Variants in ECPAS observed in about 807,000 individuals in gnomAD.
ECPAS encodes Ecm29 proteasome adaptor and scaffold, also known as proteasome adapter and scaffold protein ECM29.
In ECPAS, 70 loss-of-function variants were observed where a neutral mutation model predicts 255.1. The observed-to-expected ratio is 0.27, with a 90% confidence interval of 0.23 to 0.33. The LOEUF (loss-of-function observed/expected upper bound fraction) is 0.33. Ranked by LOEUF, ECPAS falls within the 10% of genes least tolerant of loss-of-function variation. The probability of loss-of-function intolerance (pLI) is 1.00; values close to 1 mark genes in which losing one functional copy is unlikely to be tolerated. For synonymous variants in ECPAS, 784 were observed against 775.0 expected, an observed-to-expected ratio of 1.01 and a Z score of -0.19; for missense variants, 1,817 against 2,206.4, an observed-to-expected ratio of 0.82 and a Z score of 3.54.
At chr9:111,474,249 T>G (rs973526258) in intron 1 of ECPAS, among the ~76,000 whole-genome samples, 1 of 152,174 alleles carries the variant, frequency 6.6e-6, no homozygotes, top group Non-Finnish European at 1.5e-5. Context: ...GTTCTCTCTT[T>G]CCTTCACTTT....
At chr9:111,398,476 T>C (rs759887401) in intron 24 of ECPAS, among the ~76,000 whole-genome samples, 1 of 152,160 alleles carries the variant, frequency 6.6e-6, no homozygotes, top group East Asian at 1.9e-4. Flanking sequence ...GGGGGTTCAA[T>C]AGAGAAAATA....
chr9:111,386,306 A>G lies in ECPAS; in HGVS notation c.3527+71T>C. The G allele has an allele frequency of 5.0e-6, 5 of 1,009,194 alleles. 1 individual carries two copies. The South Asian group carries it at 7.1e-5, about 14-fold the overall frequency. The allele number at this position is 1,009,194 out of a possible 1,614,324, so 62.5% of individuals were successfully genotyped here. A position where few individuals can be genotyped will look rare whatever the true frequency, so the allele number is the denominator to read the frequency against. ...AATTTATTCCTTTTGCACAAAGTAT[A>G]AAACCTAGAAATTTTGAAGGGAAAA... is the stretch of plus-strand genomic sequence containing the variant. On this transcript the variant is annotated intron_variant, in intron 32 of 49. Coordinates refer to ENST00000684092, the MANE Select transcript of ECPAS (RefSeq NM_001364929.1).
rs767878910 is a variant in ECPAS, at chr9:111,414,632, A to G, written c.1784T>C (p.Met595Thr). The change falls in exon 19 of 50, where the codon ATG becomes ACG. Residue 595 changes from methionine to threonine, a missense_variant. This residue lies in a region of ECPAS where 573 missense variants were observed against 716.2 expected (regional missense o/e 0.80). Coordinates refer to ENST00000684092, the MANE Select transcript of ECPAS (RefSeq NM_001364929.1). The part of the protein sequence containing the change: ...AFGEIVLYLR[M>T]CLAHSAGVVP... ...CACCCCCGCACTGTGCGCAAGGCAC[A>G]TGCGCAAGTACAGAACGATCTACAA... is the stretch of plus-strand genomic sequence containing the variant. The G allele has an allele frequency of 6.2e-6, 10 of 1,613,174 alleles. No homozygotes were observed. Among genetic ancestry groups the G allele is most frequent in the Middle Eastern group, 1.8e-4 (1 of 5,678 alleles).
rs765302775 is a variant in ECPAS, at chr9:111,408,704, CAG to C, written c.2551-34_2551-33del. On this transcript the variant is annotated intron_variant, in intron 23 of 49. Transcript: ENST00000684092. ...GAACACCAAATTTTTTTCTTTTAAA[CAG>C]AGTATATAATAGCTTTACCCCAGTG... The C allele has an allele frequency of 4.3e-6, 6 of 1,391,218 alleles. No homozygotes were observed. In the East Asian group the frequency reaches 1.5e-4, roughly 35 times the overall value. 86.2% of individuals were successfully genotyped at this position (1,391,218 alleles called of 1,614,324 possible).
chr9:111,434,244 C>T (rs546592635), intron 7 of ECPAS, among the ~76,000 whole-genome samples: 16 of 152,110 alleles, frequency 1.1e-4, no homozygotes, highest in South Asian at 1.0e-3. Flanking sequence ...ACAACAGCTA[C>T]AACAGAAAAG....
intron 5 of ECPAS, 57 bp from the exon 6 acceptor site, chr9:111,440,578 C>A: frequency 7.3e-7 from 1 of 1,363,226 alleles, no homozygotes; most frequent in Non-Finnish European, 9.9e-7. Context: ...TTTATACATG[C>A]AAAACACAGA....
intron 23 of ECPAS, among the ~76,000 whole-genome samples, chr9:111,409,335 G>A (rs1458986058): frequency 1.3e-5 from 2 of 152,142 alleles, no homozygotes; most frequent in Admixed American, 6.5e-5. Flanking sequence ...GAGGCAGGCA[G>A]GATTGCCTGA....
At chr9:111,371,871 A>T in intron 42 of ECPAS, 42 bp from the exon 43 acceptor site, 1 of 1,526,582 alleles carries the variant, frequency 6.6e-7, no homozygotes, top group Non-Finnish European at 9.0e-7. Flanking sequence ...TGACAAGAAA[A>T]ATTAACTGAT....
Position 111,408,500 on chromosome 9 carries a change from G to A in ECPAS, c.2652+71C>T, listed in dbSNP as rs141152699. On this transcript the variant is annotated intron_variant, in intron 24 of 49. Coordinates refer to ENST00000684092, the MANE Select transcript of ECPAS (RefSeq NM_001364929.1). ...TAAAAATCTCACAGCATGCAAAACT[G>A]CACCTAAAAAAAAAAAAAAGACCAA... 6.9e-4 allele frequency: 582 copies of A among 843,770 alleles called. 5 individuals are homozygous for A. In the African/African-American group the frequency reaches 9.4e-3, roughly 14 times the overall value. 52.3% of individuals were successfully genotyped at this position (843,770 alleles called of 1,614,324 possible).
At position 111,413,816 on chromosome 9, in the gene ECPAS, C is replaced by T. The variant is rs115906361; in HGVS notation, c.2079+79G>A. The T allele has an allele frequency of 3.1e-3, 2,677 of 865,898 alleles. 44 individuals carry two copies. In the African/African-American group the frequency reaches 0.038, roughly 12 times the overall value. The allele number at this position is 865,898 out of a possible 1,614,324, so 53.6% of individuals were successfully genotyped here. A position where few individuals can be genotyped will look rare whatever the true frequency, so the allele number is the denominator to read the frequency against. On this transcript the variant is annotated intron_variant, in intron 20 of 49. Transcript: ENST00000684092. The stretch of plus-strand genomic sequence containing the variant: ...AAAGGCAGAAAAGGTCATAGGGATC[C>T]CGCTGGCAGGAAAAAGAAATCATGA...
intron 35 of ECPAS, among the ~76,000 whole-genome samples, chr9:111,380,557 T>C (rs28838718): frequency 0.028 from 4,316 of 152,304 alleles, 215 homozygotes; most frequent in African/African-American, 0.097. Context: ...ACCAGCTGCA[T>C]TGGCCCCTAA....
intron 2 of ECPAS, among the ~76,000 whole-genome samples, chr9:111,466,636 C>CACACACAG (rs1197139142): frequency 6.6e-6 from 1 of 151,324 alleles, no homozygotes; most frequent in Non-Finnish European, 1.5e-5. Context: ...CACACACACA[C>CACACACAG]ACACACACAC....
chr9:111,403,266 A>T (rs2098178954), intron 24 of ECPAS, among the ~76,000 whole-genome samples: 1 of 151,826 alleles, frequency 6.6e-6, no homozygotes, highest in African/African-American at 2.4e-5. Context: ...AGGCTGAGGC[A>T]GGAGAATCTC....
intron 31 of ECPAS, among the ~76,000 whole-genome samples, chr9:111,388,178 C>CTGT (rs2098153306): frequency 6.6e-6 from 1 of 151,368 alleles, no homozygotes; most frequent in Non-Finnish European, 1.5e-5. Context: ...GTAAGAAAAC[C>CTGT]AAGACAAAGA....
intron 1 of ECPAS, among the ~76,000 whole-genome samples, chr9:111,476,688 A>G (rs1447420479): frequency 6.8e-6 from 1 of 146,460 alleles, no homozygotes; most frequent in Non-Finnish European, 1.5e-5. Context: ...TTCAAGTGGG[A>G]GTCTCACTCT....
intron 2 of ECPAS, among the ~76,000 whole-genome samples, chr9:111,457,137 G>A (rs2098267908): frequency 6.6e-6 from 1 of 152,180 alleles, no homozygotes; most frequent in Admixed American, 6.5e-5. Context: ...CAGCAATAGA[G>A]TTCACACCTG....
intron 25 of ECPAS, among the ~76,000 whole-genome samples, chr9:111,395,550 A>T (rs1432018615): frequency 2.6e-5 from 4 of 152,144 alleles, no homozygotes; most frequent in African/African-American, 9.7e-5. Context: ...ATTCCTTTGC[A>T]TGAGTAAAAA....
chr9:111,424,797 A>G (rs752470296), intron 12 of ECPAS, among the ~76,000 whole-genome samples: 2 of 152,242 alleles, frequency 1.3e-5, no homozygotes, highest in Non-Finnish European at 2.9e-5. Flanking sequence ...AAATCAACAT[A>G]AATTTCAATT....
rs1198511749 is a variant in ECPAS, at chr9:111,484,271, G to A, written c.-238C>T. ...GCGGGCCCGGGCTGCCCTAGCGGCC[G>A]GGGGAAATCCTCGAGGCGGGGCCGG... On this transcript the variant is annotated 5_prime_UTR_variant, in exon 1 of 50. Transcript: ENST00000684092. 2 of 1,516,470 alleles carry A rather than the reference G, an allele frequency of 1.3e-6. No homozygotes were observed. The highest frequency in any genetic ancestry group is 1.8e-6 in the Non-Finnish European group (2 of 1,136,740). The allele number at this position is 1,516,470 out of a possible 1,614,324, so 93.9% of individuals were successfully genotyped here. A position where few individuals can be genotyped will look rare whatever the true frequency, so the allele number is the denominator to read the frequency against.
Sources: gnomAD v4.1 joint callset for allele counts (sites outside exome capture counted in the v4.1 genomes callset) on GRCh38, gnomAD v4.1.1 for gene constraint, gnomAD v4.1.1 regional missense constraint, MANE v1.5 for transcripts, NCBI Gene and HGNC (gene_info 2026-07-23, HGNC 2026-07-21) for gene names.